Variants in MCTP1 observed in about 807,000 individuals in gnomAD.
The protein encoded by MCTP1 is multiple C2 and transmembrane domain-containing protein 1.
A neutral mutation model predicts 120.6 loss-of-function variants in MCTP1; 69 were observed. The ratio of observed to expected loss-of-function variants is 0.57; its 90% CI spans 0.47 to 0.70. The LOEUF is 0.70. Ranked by LOEUF, MCTP1 falls within the 30% of genes least tolerant of loss-of-function variation. The pLI is 0.00. For missense variants in MCTP1, 1,203 were observed against 1,248.8 expected, an observed-to-expected ratio of 0.96 and a Z score of 0.55; for synonymous variants, 529 against 493.1, an observed-to-expected ratio of 1.07 and a Z score of -0.96.
intron 1 of MCTP1, among the ~76,000 whole-genome samples, chr5:95,149,094 G>A (rs977939401): frequency 2.6e-5 from 4 of 152,208 alleles, no homozygotes; most frequent in Admixed American, 2.6e-4. Context: ...TGGAAAGAGA[G>A]AGATGGCCCC....
At chr5:95,177,223 AT>A (rs1204457903) in intron 1 of MCTP1, among the ~76,000 whole-genome samples, 1 of 152,020 alleles carries the variant, frequency 6.6e-6, no homozygotes, top group Non-Finnish European at 1.5e-5. Context: ...ATTTTAAGGA[AT>A]TGGCTCCTGT....
intron 19 of MCTP1, among the ~76,000 whole-genome samples, chr5:94,763,925 T>C (rs1264104145): frequency 6.6e-6 from 1 of 152,250 alleles, no homozygotes; most frequent in Non-Finnish European, 1.5e-5. Flanking sequence ...TGAAATAAGA[T>C]GCTGTATTTA....
intron 1 of MCTP1, among the ~76,000 whole-genome samples, chr5:95,172,768 G>C (rs1391647614): frequency 6.6e-6 from 1 of 152,104 alleles, no homozygotes; most frequent in Non-Finnish European, 1.5e-5. Flanking sequence ...GTTCTGTTGT[G>C]TGCCATTTCC....
At chr5:94,844,130 C>T (rs1276994146) in intron 17 of MCTP1, among the ~76,000 whole-genome samples, 1 of 151,832 alleles carries the variant, frequency 6.6e-6, no homozygotes, top group Non-Finnish European at 1.5e-5. Flanking sequence ...TGGTGAAACC[C>T]TGTCTCTACT....
At chr5:94,769,114 T>C (rs576944970) in intron 19 of MCTP1, among the ~76,000 whole-genome samples, 31 of 149,304 alleles carry the variant, frequency 2.1e-4, no homozygotes, top group Admixed American at 6.6e-4. Context: ...GAGGTCCTTA[T>C]GTTAAATGAA....
intron 1 of MCTP1, among the ~76,000 whole-genome samples, chr5:95,099,934 C>A (rs952692031): frequency 2.0e-5 from 3 of 151,602 alleles, no homozygotes; most frequent in African/African-American, 2.4e-5. Context: ...CATGGAATAC[C>A]ATGCAGTCAT....
At chr5:94,862,591 A>C (rs1386998129) in intron 17 of MCTP1, among the ~76,000 whole-genome samples, 3 of 151,842 alleles carry the variant, frequency 2.0e-5, no homozygotes, top group Non-Finnish European at 4.4e-5. Context: ...CTGGCTTGCT[A>C]TATTTCCTAA....
intron 1 of MCTP1, among the ~76,000 whole-genome samples, chr5:95,204,758 T>C (rs1248260091): frequency 6.6e-6 from 1 of 152,038 alleles, no homozygotes; most frequent in Non-Finnish European, 1.5e-5. Flanking sequence ...AAATAATTCA[T>C]TTACAATAGC....
intron 11 of MCTP1, among the ~76,000 whole-genome samples, chr5:94,892,338 T>C (rs892551383): frequency 6.6e-6 from 1 of 152,166 alleles, no homozygotes; most frequent in Non-Finnish European, 1.5e-5. Context: ...AATGTCATAA[T>C]AAAAATGGAA....
chr5:94,846,459 C>T (rs1319393828), intron 17 of MCTP1, among the ~76,000 whole-genome samples: 1 of 152,020 alleles, frequency 6.6e-6, no homozygotes, highest in Non-Finnish European at 1.5e-5. Context: ...AACAAGAACA[C>T]GTGGACACAG....
At chr5:94,865,781 G>C (rs144525300) in intron 17 of MCTP1, among the ~76,000 whole-genome samples, 38 of 152,050 alleles carry the variant, frequency 2.5e-4, no homozygotes, top group Non-Finnish European at 4.7e-4. Context: ...AATATCTGCT[G>C]TGTGGCCTTG....
chr5:95,137,293 G>T (rs1759520101), intron 1 of MCTP1, among the ~76,000 whole-genome samples: 1 of 152,184 alleles, frequency 6.6e-6, no homozygotes, highest in Admixed American at 6.5e-5. Context: ...TTGTTACTAT[G>T]TATTATGTAA....
At chr5:95,160,580 G>C (rs1745613063) in intron 1 of MCTP1, among the ~76,000 whole-genome samples, 1 of 151,988 alleles carries the variant, frequency 6.6e-6, no homozygotes, top group Non-Finnish European at 1.5e-5. Flanking sequence ...CAAAAGTACA[G>C]CAACAAAAGC....
intron 19 of MCTP1, among the ~76,000 whole-genome samples, chr5:94,768,681 A>G (rs1773375555): frequency 6.6e-6 from 1 of 152,196 alleles, no homozygotes; most frequent in South Asian, 2.1e-4. Context: ...CAAAACTACA[A>G]TGAAATATCA....
At chr5:94,955,419 T>C (rs1181009156) in intron 2 of MCTP1, among the ~76,000 whole-genome samples, 4 of 152,132 alleles carry the variant, frequency 2.6e-5, no homozygotes, top group African/African-American at 9.7e-5. Flanking sequence ...GAAACAGAAC[T>C]GTTCACTCCC....
intron 3 of MCTP1, among the ~76,000 whole-genome samples, chr5:94,942,703 C>T (rs1818027426): frequency 6.6e-6 from 1 of 151,874 alleles, no homozygotes. Flanking sequence ...AGTAAATCTT[C>T]AAAAATGTGG....
At chr5:95,236,645 T>C (rs1378722558) in intron 1 of MCTP1, among the ~76,000 whole-genome samples, 1 of 152,216 alleles carries the variant, frequency 6.6e-6, no homozygotes, top group Non-Finnish European at 1.5e-5. Flanking sequence ...ATACCTAAGA[T>C]GAAGCCTGTT....
intron 1 of MCTP1, among the ~76,000 whole-genome samples, chr5:95,180,631 T>G (rs983886365): frequency 6.6e-6 from 1 of 152,116 alleles, no homozygotes; most frequent in Non-Finnish European, 1.5e-5. Context: ...CTCTTACTGT[T>G]CTGTATCTAG....
intron 17 of MCTP1, among the ~76,000 whole-genome samples, chr5:94,820,283 C>T (rs1785354492): frequency 6.6e-6 from 1 of 152,166 alleles, no homozygotes; most frequent in Non-Finnish European, 1.5e-5. Flanking sequence ...TGCTCTGAAG[C>T]ACTCAAGTTA....
Sources: gnomAD v4.1 joint callset for allele counts (sites outside exome capture counted in the v4.1 genomes callset) on GRCh38, gnomAD v4.1.1 for gene constraint, MANE v1.5 for transcripts, NCBI Gene and HGNC (gene_info 2026-07-23, HGNC 2026-07-21) for gene names.